The following SPSB4 variants were observed in gnomAD, a reference collection of about 807,000 sequenced individuals.
The protein encoded by SPSB4 is splA/ryanodine receptor domain and SOCS box containing 4.
Under a neutral mutation model 20.9 loss-of-function variants are expected in SPSB4, and 21 were observed. The observed-to-expected ratio is 1.01, with a 90% CI of 0.71 to 1.45. SPSB4 has a LOEUF of 1.45. Ranked by LOEUF, SPSB4 falls within the 40% of genes most tolerant of loss-of-function variation. The probability of loss-of-function intolerance (pLI) is 0.00; values close to 1 mark genes in which losing one functional copy is unlikely to be tolerated. For synonymous variants in SPSB4, 207 were observed against 183.8 expected (o/e 1.13, Z -1.02); for missense variants, 399 against 399.2 (o/e 1.00, Z 0.00).
In SPSB4 at chr3:141,066,156, G is replaced by T; in HGVS notation, c.52G>T (p.Ala18Ser). 1 of 1,532,546 alleles carries T rather than the reference G, an allele frequency of 6.5e-7. No individual in the cohort carries two copies. The allele number at this position is 1,532,546 out of a possible 1,614,324, so 94.9% of individuals were successfully genotyped here. Residue 18 changes from alanine to serine, a missense_variant, in exon 2 of 3, where the codon GCG (alanine) becomes TCG (serine). Coordinates refer to ENST00000310546, the MANE Select transcript of SPSB4 (RefSeq NM_080862.3). ...CAAGTCAGTGGAGGTGCGAGAGCCG[G>T]CGCTGCGGCCGGCCAAGCGGGAGCT... ...SLKSVEVREPALRPAKRELRG... is the reference protein window; with the variant it reads ...SLKSVEVREPSLRPAKRELRG...
At position 141,104,419 on chromosome 3, in the gene SPSB4, G is replaced by A. The variant is rs76186074; in HGVS notation, c.694+37621G>A. 3.1e-3 allele frequency among the ~76,000 whole-genome samples: 476 copies of A among 152,310 alleles called. 18 individuals are homozygous for A. In the East Asian group the frequency reaches 0.08, roughly 26 times the overall value. On this transcript the variant is annotated intron_variant, in intron 2 of 2. Coordinates refer to ENST00000310546, the MANE Select transcript of SPSB4 (RefSeq NM_080862.3). ...TGGGGCCAGACTGTGACCTGGACAC[G>A]CTGCAGACACCTCCCAGGTGGCTGC...
intron 2 of SPSB4, among the ~76,000 whole-genome samples, chr3:141,136,245 T>A (rs1939225995): frequency 6.6e-6 from 1 of 152,238 alleles, no homozygotes; most frequent in Non-Finnish European, 1.5e-5. Context: ...ATTAGCCCTA[T>A]GTCAGATGAG....
chr3:141,129,467 C>T (rs1467784767), intron 2 of SPSB4, among the ~76,000 whole-genome samples: 4 of 152,220 alleles, frequency 2.6e-5, no homozygotes, highest in Admixed American at 2.0e-4. Context: ...CTACTGGTCT[C>T]GTTGCTTGAT....
chr3:141,057,755 C>T (rs1937682030), intron 1 of SPSB4, among the ~76,000 whole-genome samples: 2 of 152,256 alleles, frequency 1.3e-5, no homozygotes, highest in Admixed American at 1.3e-4. Context: ...GAGAACCTGT[C>T]GAGGATTTTG....
chr3:141,076,095 G>A (rs759824586), intron 2 of SPSB4, among the ~76,000 whole-genome samples: 7 of 151,978 alleles, frequency 4.6e-5, no homozygotes, highest in East Asian at 1.9e-4. Context: ...AATAAAATGC[G>A]TATTCCTCTG....
chr3:141,144,784 A>G (rs1159106646), intron 2 of SPSB4, among the ~76,000 whole-genome samples: 2 of 152,228 alleles, frequency 1.3e-5, no homozygotes, highest in African/African-American at 4.8e-5. Context: ...TGGGCAGGCA[A>G]CACACAGGGA....
At chr3:141,092,029 A>T (rs1183931173) in intron 2 of SPSB4, among the ~76,000 whole-genome samples, 1 of 152,156 alleles carries the variant, frequency 6.6e-6, no homozygotes, top group East Asian at 1.9e-4. Flanking sequence ...CAGGGAGCAA[A>T]CTCTGGAGGA....
At chr3:141,134,037 TTTTTTTTTTTTCTTTTTTC>T (rs1939182924) in intron 2 of SPSB4, among the ~76,000 whole-genome samples, 1 of 115,198 alleles carries the variant, frequency 8.7e-6, no homozygotes, top group East Asian at 2.4e-4. Context: ...TTTCTTTTCT[TTTTTTTTTTTTCTTTTTTC>T]TTTTTTTTTT....
At chr3:141,107,202 G>A (rs1938709119) in intron 2 of SPSB4, among the ~76,000 whole-genome samples, 1 of 152,248 alleles carries the variant, frequency 6.6e-6, no homozygotes, top group African/African-American at 2.4e-5. Flanking sequence ...TTTACCTAAA[G>A]GGCAGGTGAC....
chr3:141,064,900 T>G lies in SPSB4; in HGVS notation c.-153-1052T>G, dbSNP rs558613643. ...CAGGATCCTGTCTCAGGGAAGGCAG[T>G]CTGGGGTCAGTGCTGTTAATGGTAT... On this transcript the variant is annotated intron_variant, in intron 1 of 2. Transcript: ENST00000310546. Among the ~76,000 whole-genome samples, 238 of 152,338 alleles carry G rather than the reference T, an allele frequency of 1.6e-3. 2 individuals carry two copies. The highest frequency in any genetic ancestry group is 0.011 in the South Asian group (54 of 4,824).
rs991196776 is a variant in SPSB4, at chr3:141,115,032, G to A, written c.695-32110G>A. ...CTGTGCCTGAGTTCCTTCATAGGGTGTGAGGAGGACTGAGTAAGCTACTGT... is the reference window on the plus strand; with the variant it reads ...CTGTGCCTGAGTTCCTTCATAGGGTATGAGGAGGACTGAGTAAGCTACTGT... On this transcript the variant is annotated intron_variant, in intron 2 of 2. Coordinates refer to ENST00000310546, the MANE Select transcript of SPSB4 (RefSeq NM_080862.3). 5 of 152,252 alleles carry A rather than the reference G, an allele frequency of 3.3e-5. No homozygotes were observed. In the South Asian group the frequency reaches 6.2e-4, roughly 19 times the overall value. 9.4% of individuals were successfully genotyped at this position (152,252 alleles called of 1,614,324 possible).
chr3:141,084,832 A>G (rs758848001), intron 2 of SPSB4, among the ~76,000 whole-genome samples: 4 of 152,202 alleles, frequency 2.6e-5, no homozygotes, highest in Non-Finnish European at 5.9e-5. Flanking sequence ...TACCTTGTTC[A>G]TTCTTTCTGC....
intron 2 of SPSB4, among the ~76,000 whole-genome samples, chr3:141,132,474 G>A (rs536848371): frequency 9.1e-4 from 138 of 152,140 alleles, no homozygotes; most frequent in African/African-American, 2.7e-3. Context: ...CTTTTATGTC[G>A]TTCTTATGAC....
intron 2 of SPSB4, among the ~76,000 whole-genome samples, chr3:141,087,760 G>A (rs931392533): frequency 7.2e-5 from 11 of 152,180 alleles, no homozygotes; most frequent in African/African-American, 2.4e-4. Context: ...GGCAAATGCG[G>A]GCAGGGCAGA....
rs573098226 is a variant in SPSB4 at position 141,061,594 on chromosome 3, C to T, written c.-153-4358C>T. 2.2e-4 allele frequency among the ~76,000 whole-genome samples: 34 copies of T among 151,828 alleles called. No homozygotes were observed. The South Asian group carries it at 5.2e-3, about 23-fold the overall frequency. ...CACAACTAATGAACCAGTATTGATA[C>T]ATTATTATTAACTTATTTTAATAAT... On this transcript the variant is annotated intron_variant, in intron 1 of 2. Transcript: ENST00000310546.
chr3:141,138,311 G>T (rs951037514), intron 2 of SPSB4, among the ~76,000 whole-genome samples: 1 of 152,102 alleles, frequency 6.6e-6, no homozygotes, highest in Non-Finnish European at 1.5e-5. Context: ...ATTTTTTGAA[G>T]GGTTTTTTGT....
At chr3:141,135,637 C>G (rs1355949447) in intron 2 of SPSB4, among the ~76,000 whole-genome samples, 11 of 152,010 alleles carry the variant, frequency 7.2e-5, no homozygotes, top group Admixed American at 3.9e-4. Context: ...ATGATGGTTT[C>G]CAGCTTCATC....
intron 2 of SPSB4, among the ~76,000 whole-genome samples, chr3:141,089,011 A>C (rs1383399236): frequency 6.6e-6 from 1 of 152,204 alleles, no homozygotes; most frequent in Non-Finnish European, 1.5e-5. Flanking sequence ...AAACGGGGCC[A>C]CACTGAACTT....
chr3:141,084,958 G>T (rs200121073), intron 2 of SPSB4, among the ~76,000 whole-genome samples: 2 of 152,334 alleles, frequency 1.3e-5, no homozygotes, highest in East Asian at 3.9e-4. Flanking sequence ...GGTGATAGGG[G>T]TTGTAATTGA....
Sources: gnomAD v4.1 joint callset for allele counts (sites outside exome capture counted in the v4.1 genomes callset) on GRCh38, gnomAD v4.1.1 for gene constraint, MANE v1.5 for transcripts, NCBI Gene and HGNC (gene_info 2026-07-23, HGNC 2026-07-21) for gene names.